Variants in GPC6 observed in about 807,000 individuals in gnomAD.
The protein encoded by GPC6 is glypican-6.
In GPC6, 14 loss-of-function variants were observed where a neutral mutation model predicts 55.2. The observed-to-expected ratio is 0.25, with a 90% CI of 0.17 to 0.40. The LOEUF is 0.40. GPC6 is among the 10% of genes least tolerant of loss of function. The pLI, the probability that GPC6 is intolerant of heterozygous loss-of-function variation, is 1.00. For missense variants in GPC6, 641 were observed against 708.5 expected, an observed-to-expected ratio of 0.90 and a Z score of 1.08; for synonymous variants, 278 against 259.6, an observed-to-expected ratio of 1.07 and a Z score of -0.68.
At chr13:93,352,593 G>A (rs866526980) in intron 1 of GPC6, among the ~76,000 whole-genome samples, 1 of 152,084 alleles carries the variant, frequency 6.6e-6, no homozygotes, top group African/African-American at 2.4e-5. Context: ...CCTATGAGGT[G>A]AGAGCCTGCT....
intron 4 of GPC6, among the ~76,000 whole-genome samples, chr13:94,265,190 G>A (rs1275722124): frequency 1.3e-5 from 2 of 152,178 alleles, no homozygotes; most frequent in African/African-American, 2.4e-5. Context: ...GAGTGTATTA[G>A]GGTTCTCTAG....
chr13:93,275,819 G>A lies in GPC6; in HGVS notation c.160+48203G>A, dbSNP rs73552296. Among the ~76,000 whole-genome samples, 725 of 152,252 alleles carry A rather than the reference G, an allele frequency of 4.8e-3. 4 individuals carry two copies. Among genetic ancestry groups the A allele is most frequent in the African/African-American group, 0.015 (629 of 41,550 alleles). Reference sequence around the variant, plus strand: ...CACATTCTCAGATAATGGGGGTAGGGCTTCAACATATGAATTTTGGAGGGA... The same window carrying A: ...CACATTCTCAGATAATGGGGGTAGGACTTCAACATATGAATTTTGGAGGGA... On this transcript the variant is annotated intron_variant, in intron 1 of 8. Coordinates refer to ENST00000377047, the MANE Select transcript of GPC6 (RefSeq NM_005708.5).
At chr13:94,162,375 G>C (rs910389989) in intron 4 of GPC6, among the ~76,000 whole-genome samples, 1 of 152,194 alleles carries the variant, frequency 6.6e-6, no homozygotes, top group African/African-American at 2.4e-5. Context: ...ACACAGTCTT[G>C]TTAAATTGCT....
At chr13:94,072,819 TG>T (rs1380375272) in intron 4 of GPC6, among the ~76,000 whole-genome samples, 1 of 152,210 alleles carries the variant, frequency 6.6e-6, no homozygotes, top group East Asian at 1.9e-4. Context: ...TAATGTACTT[TG>T]GGGTCCATAG....
At chr13:93,717,765 C>G (rs1213565196) in intron 2 of GPC6, among the ~76,000 whole-genome samples, 1 of 151,656 alleles carries the variant, frequency 6.6e-6, no homozygotes, top group Non-Finnish European at 1.5e-5. Flanking sequence ...TCCCCTTGCC[C>G]CCCACCCCTG....
chr13:93,731,917 A>G (rs1428671976), intron 2 of GPC6, among the ~76,000 whole-genome samples: 1 of 152,214 alleles, frequency 6.6e-6, no homozygotes, highest in Non-Finnish European at 1.5e-5. Context: ...AAAGTGACTT[A>G]GGGTGTGAAA....
intron 6 of GPC6, among the ~76,000 whole-genome samples, chr13:94,333,163 C>T (rs1020909752): frequency 2.6e-5 from 4 of 152,214 alleles, no homozygotes; most frequent in Non-Finnish European, 5.9e-5. Flanking sequence ...CTGTGAAATA[C>T]TCAGGGCGTC....
chr13:93,351,376 A>G (rs1365443605), intron 1 of GPC6, among the ~76,000 whole-genome samples: 2 of 152,136 alleles, frequency 1.3e-5, no homozygotes, highest in Non-Finnish European at 2.9e-5. Context: ...GTGGATGATA[A>G]CAATTATAAG....
At chr13:93,405,865 C>T (rs35571046) in intron 1 of GPC6, among the ~76,000 whole-genome samples, 7,987 of 152,256 alleles carry the variant, frequency 0.052, 308 homozygotes, top group Non-Finnish European at 0.078. Context: ...CCTCTATTGG[C>T]TTTGCCTGGG....
chr13:94,176,936 T>C (rs1888796890), intron 4 of GPC6, among the ~76,000 whole-genome samples: 1 of 152,212 alleles, frequency 6.6e-6, no homozygotes, highest in Non-Finnish European at 1.5e-5. Context: ...TGTGATGTTA[T>C]GCATCCATAA....
intron 7 of GPC6, among the ~76,000 whole-genome samples, chr13:94,395,903 A>AG (rs1464141251): frequency 6.6e-6 from 1 of 152,140 alleles, no homozygotes; most frequent in Non-Finnish European, 1.5e-5. Flanking sequence ...AGGACCCTCT[A>AG]CAAGCTATAT....
intron 1 of GPC6, among the ~76,000 whole-genome samples, chr13:93,520,728 T>A (rs1881382487): frequency 6.6e-6 from 1 of 151,984 alleles, no homozygotes; most frequent in Admixed American, 6.6e-5. Context: ...AAATTTGGAC[T>A]GTTTTTCATA....
At chr13:94,049,248 C>CAAAAAAAAAA (rs776241623) in intron 4 of GPC6, among the ~76,000 whole-genome samples, 1 of 138,294 alleles carries the variant, frequency 7.2e-6, no homozygotes, top group Non-Finnish European at 1.6e-5. Flanking sequence ...GATCTTATCT[C>CAAAAAAAAAA]AAAAAAAAAA....
intron 4 of GPC6, among the ~76,000 whole-genome samples, chr13:94,032,876 G>A (rs555092846): frequency 1.2e-4 from 18 of 152,296 alleles, no homozygotes; most frequent in African/African-American, 4.1e-4. Flanking sequence ...CCCAAGGTGG[G>A]CACTGCATCT....
rs748739788 is a variant in GPC6 at position 93,830,285 on chromosome 13, A to G, written c.451A>G (p.Thr151Ala). The G allele has an allele frequency of 1.9e-6, 3 of 1,613,954 alleles. No individual in the cohort carries two copies. The highest frequency in any genetic ancestry group is 2.2e-5 in the South Asian group (2 of 91,060). The change falls in exon 3 of 9, where the codon ACT becomes GCT. Residue 151 changes from threonine (T) to alanine (A), a missense_variant. Coordinates refer to ENST00000377047, the MANE Select transcript of GPC6 (RefSeq NM_005708.5). The part of the protein sequence containing the change: ...DLFTELKRYY[T>A]GGNVNLEEML... ...CTTCACAGAGCTGAAAAGGTACTACACTGGGGGTAATGTGAATCTGGAGGA... is the reference window on the plus strand; with the variant it reads ...CTTCACAGAGCTGAAAAGGTACTACGCTGGGGGTAATGTGAATCTGGAGGA...
intron 6 of GPC6, among the ~76,000 whole-genome samples, chr13:94,373,273 G>C: frequency 6.6e-6 from 1 of 151,850 alleles, no homozygotes; most frequent in South Asian, 2.1e-4. Flanking sequence ...TCTGAGCTAC[G>C]GGAGGACATT....
chr13:94,278,268 A>T (rs1427145502), intron 4 of GPC6, among the ~76,000 whole-genome samples: 3 of 152,104 alleles, frequency 2.0e-5, no homozygotes, highest in African/African-American at 7.2e-5. Flanking sequence ...AATGTTTGTG[A>T]TCTTTTCACA....
intron 1 of GPC6, among the ~76,000 whole-genome samples, chr13:93,455,503 AAT>A (rs1442391949): frequency 6.6e-6 from 1 of 152,020 alleles, no homozygotes; most frequent in Non-Finnish European, 1.5e-5. Flanking sequence ...AGAGAAAAGT[AAT>A]ATATGGAAAA....
chr13:93,449,579 A>C (rs969628520), intron 1 of GPC6, among the ~76,000 whole-genome samples: 6 of 152,160 alleles, frequency 3.9e-5, no homozygotes, highest in Admixed American at 3.9e-4. Context: ...CATAATCCCA[A>C]CACTTTGGGA....
Sources: gnomAD v4.1 joint callset for allele counts (sites outside exome capture counted in the v4.1 genomes callset) on GRCh38, gnomAD v4.1.1 for gene constraint, MANE v1.5 for transcripts, NCBI Gene and HGNC (gene_info 2026-07-23, HGNC 2026-07-21) for gene names.